SLC4A10: variants seen among roughly 807,000 people sequenced by gnomAD.
SLC4A10 encodes sodium-driven chloride bicarbonate exchanger.
SLC4A10 carries 42 observed loss-of-function variants against 137.7 expected under a neutral mutation model. That is an observed-to-expected ratio of 0.30 (90% CI 0.24 to 0.39). The LOEUF is 0.39. Among genes scored for constraint, SLC4A10 ranks in the 10% least tolerant of loss-of-function variants. The pLI is 1.00. For missense variants in SLC4A10, 925 were observed against 1,355.0 expected (o/e 0.68, Z 4.98); for synonymous variants, 474 against 464.1 (o/e 1.02, Z -0.27).
intron 1 of SLC4A10, among the ~76,000 whole-genome samples, chr2:161,644,253 T>G (rs2035705997): frequency 6.6e-6 from 1 of 152,048 alleles, no homozygotes; most frequent in Admixed American, 6.6e-5. Context: ...TCCTAGCACT[T>G]TGGGAGACTG....
chr2:161,694,757 A>G (rs1160777998), intron 1 of SLC4A10, among the ~76,000 whole-genome samples: 2 of 152,088 alleles, frequency 1.3e-5, no homozygotes, highest in Non-Finnish European at 1.5e-5. Flanking sequence ...AATGGTAACC[A>G]TCAGTCAACA....
intron 14 of SLC4A10, 57 bp downstream of exon 14, chr2:161,904,966 A>G (rs1683996052): frequency 6.4e-7 from 1 of 1,553,612 alleles, no homozygotes; most frequent in Middle Eastern, 1.7e-4. Context: ...TACTGTATTT[A>G]TACTTCTCCC....
At chr2:161,938,364 G>T (rs1183399983) in intron 15 of SLC4A10, among the ~76,000 whole-genome samples, 1 of 152,138 alleles carries the variant, frequency 6.6e-6, no homozygotes, top group Non-Finnish European at 1.5e-5. Context: ...TATTGCCTGG[G>T]ATCAGTTCTG....
rs548137401 is a variant in SLC4A10 at position 161,718,739 on chromosome 2, C to T, written c.49-52234C>T. Among the ~76,000 whole-genome samples the T allele has an allele frequency of 3.9e-5, 6 of 152,090 alleles. No individual in the cohort carries two copies. The East Asian group carries it at 9.7e-4, about 25-fold the overall frequency. ...CTTATGTGATCAGTTTTAGAGTAGG[C>T]ACCATGTAGTGCTGAGAAGAATGTA... On this transcript the variant is annotated intron_variant, in intron 1 of 26. Coordinates refer to ENST00000446997, the MANE Select transcript of SLC4A10 (RefSeq NM_001178015.2).
At chr2:161,869,138 T>C (rs1009271866) in intron 6 of SLC4A10, among the ~76,000 whole-genome samples, 1 of 151,702 alleles carries the variant, frequency 6.6e-6, no homozygotes, top group Admixed American at 6.6e-5. Context: ...GGGAAAAATA[T>C]CCTAGCAAAT....
chr2:161,797,164 A>G (rs897463281), intron 2 of SLC4A10, among the ~76,000 whole-genome samples: 1 of 152,160 alleles, frequency 6.6e-6, no homozygotes, highest in Non-Finnish European at 1.5e-5. Context: ...TTTGCTGATT[A>G]TAAAAATATA....
At chr2:161,687,229 A>G (rs1019141142) in intron 1 of SLC4A10, among the ~76,000 whole-genome samples, 1 of 152,142 alleles carries the variant, frequency 6.6e-6, no homozygotes, top group Non-Finnish European at 1.5e-5. Flanking sequence ...TGCTAAGTGG[A>G]AAAAAGAGTT....
chr2:161,897,768 T>C (rs1341554589), intron 11 of SLC4A10, among the ~76,000 whole-genome samples: 1 of 152,182 alleles, frequency 6.6e-6, no homozygotes, highest in Non-Finnish European at 1.5e-5. Context: ...ATCTTTGTAC[T>C]AATGATATTA....
intron 20 of SLC4A10, among the ~76,000 whole-genome samples, chr2:161,958,228 A>G (rs1320595985): frequency 6.6e-6 from 1 of 152,120 alleles, no homozygotes; most frequent in Non-Finnish European, 1.5e-5. Context: ...ATTTTGACCT[A>G]TTAAATAATT....
intron 10 of SLC4A10, among the ~76,000 whole-genome samples, chr2:161,885,518 G>T: frequency 6.6e-6 from 1 of 152,136 alleles, no homozygotes; most frequent in Non-Finnish European, 1.5e-5. Flanking sequence ...CTCAGTCAGG[G>T]TTCAATAAAT....
chr2:161,716,595 T>C (rs571435367), intron 1 of SLC4A10, among the ~76,000 whole-genome samples: 1 of 152,302 alleles, frequency 6.6e-6, no homozygotes, highest in East Asian at 1.9e-4. Flanking sequence ...TTGTCAGGTT[T>C]GTTGAAGATC....
intron 1 of SLC4A10, among the ~76,000 whole-genome samples, chr2:161,649,824 A>T (rs2036547536): frequency 6.6e-6 from 1 of 151,790 alleles, no homozygotes; most frequent in Admixed American, 6.6e-5. Context: ...GTGCTTTAAG[A>T]CAGGTATTTA....
intron 3 of SLC4A10, among the ~76,000 whole-genome samples, chr2:161,810,657 A>G (rs1710512): frequency 0.19 from 29,581 of 151,956 alleles, 6,348 homozygotes; most frequent in African/African-American, 0.54. Context: ...TGTTTATGCG[A>G]TGAATCATAT....
chr2:161,921,855 A>G (rs1688198389), intron 15 of SLC4A10, among the ~76,000 whole-genome samples: 1 of 152,202 alleles, frequency 6.6e-6, no homozygotes, highest in Non-Finnish European at 1.5e-5. Context: ...GATGATTATA[A>G]CTCCTTAAAG....
At chr2:161,638,876 T>TTA (rs1553469516) in intron 1 of SLC4A10, among the ~76,000 whole-genome samples, 3 of 151,180 alleles carry the variant, frequency 2.0e-5, no homozygotes, top group Non-Finnish European at 3.0e-5. Context: ...TTTTTTAAGA[T>TTA]AAAAAAAGAC....
rs190773783 is a variant in SLC4A10 at position 161,804,462 on chromosome 2, A to G, written c.144A>G (p.Leu48=). 7.1e-5 allele frequency: 114 copies of G among 1,612,578 alleles called. No individual in the cohort carries two copies. The African/African-American group carries it at 1.2e-3, about 16-fold the overall frequency. ...TTCCTTATGAAGGTCATCGAACACTATTTATTGGAGTACATGTGCCCTTGG... is the reference window on the plus strand; with the variant it reads ...TTCCTTATGAAGGTCATCGAACACTGTTTATTGGAGTACATGTGCCCTTGG... ...EKEDLEGHRT[L]FIGVHVPLGG... Residue 48 remains leucine, a synonymous_variant, in exon 3 of 27, where the codon CTA becomes CTG. Coordinates refer to ENST00000446997, the MANE Select transcript of SLC4A10 (RefSeq NM_001178015.2).
chr2:161,673,371 A>G (rs1025876238), intron 1 of SLC4A10, among the ~76,000 whole-genome samples: 1 of 152,210 alleles, frequency 6.6e-6, no homozygotes, highest in Non-Finnish European at 1.5e-5. Flanking sequence ...TATCTGAGTG[A>G]AATTGTAATC....
At chr2:161,773,229 A>T (rs2051879408) in intron 2 of SLC4A10, among the ~76,000 whole-genome samples, 1 of 151,780 alleles carries the variant, frequency 6.6e-6, no homozygotes, top group South Asian at 2.1e-4. Flanking sequence ...GTGAGATTGA[A>T]CTCACAGTCT....
chr2:161,917,977 G>A (rs1195325455), intron 15 of SLC4A10, among the ~76,000 whole-genome samples: 1 of 152,180 alleles, frequency 6.6e-6, no homozygotes, highest in Admixed American at 6.5e-5. Context: ...AAGAGCTAAG[G>A]TAAACCCCAA....
Sources: allele counts gnomAD v4.1 joint callset (sites outside exome capture counted in the v4.1 genomes callset), GRCh38; gene constraint gnomAD v4.1.1; transcripts MANE v1.5; gene names NCBI Gene and HGNC (gene_info 2026-07-23, HGNC 2026-07-21).